Variants in SMPX observed in about 807,000 individuals in gnomAD.
SMPX encodes small muscular protein.
SMPX carries 2 observed loss-of-function variants against 6.3 expected under a neutral mutation model. That is an observed-to-expected ratio of 0.32 (90% CI 0.13 to 0.99). The LOEUF is 0.99. Ranked by LOEUF, SMPX falls within the 50% of genes least tolerant of loss-of-function variation. The pLI, the probability that SMPX is intolerant of heterozygous loss-of-function variation, is 0.49. For synonymous variants in SMPX, 32 were observed against 24.7 expected, an observed-to-expected ratio of 1.30 and a Z score of -0.88; for missense variants, 60 against 66.8, an observed-to-expected ratio of 0.90 and a Z score of 0.36.
intron 4 of SMPX, among the ~76,000 whole-genome samples, chrX:21,720,427 C>T (rs2092790463): frequency 8.9e-6 from 1 of 112,318 alleles, no homozygotes; most frequent in Non-Finnish European, 1.9e-5. Context: ...CATGAGGGAC[C>T]CTAGGCTAGA....
At chrX:21,722,945 T>C (rs2092793358) in intron 4 of SMPX, among the ~76,000 whole-genome samples, 1 of 112,040 alleles carries the variant, frequency 8.9e-6, no homozygotes, top group African/African-American at 3.2e-5. Flanking sequence ...TTACAAGCAT[T>C]TGTGATTATT....
intron 4 of SMPX, chrX:21,727,508 G>A (rs1210320936): frequency 8.9e-6 from 1 of 112,027 alleles, no homozygotes; most frequent in Non-Finnish European, 1.9e-5. Context: ...GTGGAAGGAA[G>A]TGCCACTGTC....
intron 4 of SMPX, among the ~76,000 whole-genome samples, chrX:21,710,951 T>C (rs1056476484): frequency 8.9e-6 from 1 of 112,020 alleles, no homozygotes; most frequent in African/African-American, 3.2e-5. Flanking sequence ...GCAGGAGCCA[T>C]TGCAGGTGTC....
At chrX:21,729,661 G>A (rs768778375) in intron 4 of SMPX, among the ~76,000 whole-genome samples, 8 of 111,574 alleles carry the variant, frequency 7.2e-5, no homozygotes, top group African/African-American at 2.6e-4. Context: ...AATTGGGTTC[G>A]GAGTCACCTC....
At chrX:21,719,400 C>T (rs1204482514) in intron 4 of SMPX, among the ~76,000 whole-genome samples, 1 of 110,319 alleles carries the variant, frequency 9.1e-6, no homozygotes, top group African/African-American at 3.3e-5. Flanking sequence ...CGCCTGTAAT[C>T]CCAGCTCCTC....
At chrX:21,737,324 G>A (rs1346551565) in intron 4 of SMPX, among the ~76,000 whole-genome samples, 1 of 111,703 alleles carries the variant, frequency 9.0e-6, no homozygotes, top group Non-Finnish European at 1.9e-5. Context: ...TGATCAGAAA[G>A]AGAATGGCAG....
chrX:21,736,650 A>G (rs1263613494), intron 4 of SMPX, among the ~76,000 whole-genome samples: 2 of 112,198 alleles, frequency 1.8e-5, no homozygotes, highest in Non-Finnish European at 3.8e-5. Flanking sequence ...TGGGTGAGTG[A>G]CCAAATGAAT....
In SMPX at chrX:21,757,141, G is replaced by A. The variant is rs894316388; in HGVS notation, c.-13+801C>T. Among the ~76,000 whole-genome samples, 3 of 112,096 alleles carry A rather than the reference G, an allele frequency of 2.7e-5. 1 individual carries two copies. Among genetic ancestry groups the A allele is most frequent in the Non-Finnish European group, 5.6e-5 (3 of 53,279 alleles). ...AATCAATCACTATTCAGAGATAAGA[G>A]CTTTGTTTGTTCTTTTTAAAGGTCG... is the stretch of plus-strand genomic sequence containing the variant. On this transcript the variant is annotated intron_variant, in intron 1 of 4. Coordinates refer to ENST00000379494, the MANE Select transcript of SMPX (RefSeq NM_014332.3).
intron 4 of SMPX, among the ~76,000 whole-genome samples, chrX:21,720,105 T>C (rs2092790040): frequency 8.9e-6 from 1 of 112,426 alleles, no homozygotes; most frequent in African/African-American, 3.2e-5. Context: ...CATATCCTTG[T>C]ATAGTCCCCT....
chrX:21,737,611 G>A lies in SMPX; in HGVS notation c.219C>T (p.Ile73=). The A allele has an allele frequency of 8.3e-7, 1 of 1,205,060 alleles. No homozygotes were observed. Among genetic ancestry groups the A allele is most frequent in the Non-Finnish European group, 1.1e-6 (1 of 889,746 alleles). Residue 73 remains isoleucine, a synonymous_variant, in exon 4 of 5, where the codon ATC becomes ATT. Coordinates refer to ENST00000379494, the MANE Select transcript of SMPX (RefSeq NM_014332.3). ...ATTTTAGTTCACTTTTAATATTCTG[G>A]ATTTCCGATAGATTGACTGCAGGTC... ...LPGPAVNLSE[I]QNIKSELKYV... is the part of the protein sequence containing the mutation.
At chrX:21,754,945 G>A (rs974508944) in intron 1 of SMPX, among the ~76,000 whole-genome samples, 8 of 112,466 alleles carry the variant, frequency 7.1e-5, no homozygotes, top group Admixed American at 2.8e-4. Context: ...CTGTAAACAC[G>A]GGCAGACAGC....
At chrX:21,722,001 A>T (rs1191754382) in intron 4 of SMPX, among the ~76,000 whole-genome samples, 1 of 106,605 alleles carries the variant, frequency 9.4e-6, no homozygotes, top group Non-Finnish European at 1.9e-5. Flanking sequence ...ATCTCTGCTT[A>T]AAAAAAAAAT....
At chrX:21,745,714 G>A in intron 2 of SMPX, among the ~76,000 whole-genome samples, 1 of 111,820 alleles carries the variant, frequency 8.9e-6, no homozygotes, top group Non-Finnish European at 1.9e-5. Context: ...TAAAAGTTTA[G>A]TTAAATTGTC....
chrX:21,739,113 A>T (rs763655606), intron 3 of SMPX, among the ~76,000 whole-genome samples: 1 of 110,356 alleles, frequency 9.1e-6, no homozygotes, highest in African/African-American at 3.3e-5. Context: ...CCCCACCCTT[A>T]CCCTCAACCC....
chrX:21,706,759 G>T (rs893175153), intron 4 of SMPX, among the ~76,000 whole-genome samples: 4 of 110,163 alleles, frequency 3.6e-5, no homozygotes, highest in Non-Finnish European at 3.8e-5. Context: ...CATCACGAGG[G>T]CGGTTCCCCC....
chrX:21,738,905 T>A (rs2092813395), intron 3 of SMPX, among the ~76,000 whole-genome samples: 1 of 111,284 alleles, frequency 9.0e-6, no homozygotes, highest in Non-Finnish European at 1.9e-5. Flanking sequence ...CTCCCATTTT[T>A]CCTTACAAGT....
At chrX:21,715,303 T>TGTGTGTGCGCGC (rs1175730294) in intron 4 of SMPX, among the ~76,000 whole-genome samples, 7 of 86,074 alleles carry the variant, frequency 8.1e-5, no homozygotes, top group African/African-American at 4.2e-4. Flanking sequence ...TGTGTGTGTG[T>TGTGTGTGCGCGC]GCGCGCACGC....
chrX:21,734,128 A>G (rs1003732897), intron 4 of SMPX, among the ~76,000 whole-genome samples: 6 of 112,253 alleles, frequency 5.3e-5, no homozygotes, highest in Non-Finnish European at 1.1e-4. Context: ...CTTTCCATCA[A>G]GACTTAAGTA....
At chrX:21,717,391 G>A (rs2092786392) in intron 4 of SMPX, among the ~76,000 whole-genome samples, 1 of 112,196 alleles carries the variant, frequency 8.9e-6, no homozygotes, top group Non-Finnish European at 1.9e-5. Flanking sequence ...GCTGAACTGT[G>A]AGTCAAACCT....
Sources: allele counts gnomAD v4.1 joint callset (sites outside exome capture counted in the v4.1 genomes callset), GRCh38; gene constraint gnomAD v4.1.1; transcripts MANE v1.5; gene names NCBI Gene and HGNC (gene_info 2026-07-23, HGNC 2026-07-21).